Variants in DNAJB4 observed in about 807,000 individuals in gnomAD.
DNAJB4 encodes dnaJ homolog subfamily B member 4.
DNAJB4 carries 10 observed loss-of-function variants against 26.6 expected under a neutral mutation model. The ratio of observed to expected loss-of-function variants is 0.38; its 90% CI spans 0.23 to 0.64. The LOEUF is 0.64. Among genes scored for constraint, DNAJB4 ranks in the 30% least tolerant of loss-of-function variants. The pLI is 0.58. For missense variants in DNAJB4, 328 were observed against 408.2 expected (o/e 0.80, Z 1.69); for synonymous variants, 136 against 134.8 (o/e 1.01, Z -0.06).
At chr1:77,998,791 T>C (rs942393008) in intron 1 of DNAJB4, among the ~76,000 whole-genome samples, 2 of 152,052 alleles carry the variant, frequency 1.3e-5, no homozygotes, top group Admixed American at 6.6e-5. Context: ...TGAGCTGAGA[T>C]TGTGAGATCA....
chr1:77,984,621 C>T (rs1329983059), intron 1 of DNAJB4, among the ~76,000 whole-genome samples: 1 of 152,196 alleles, frequency 6.6e-6, no homozygotes, highest in African/African-American at 2.4e-5. Context: ...ATTTTGTCTT[C>T]TCCCTTTTCC....
intron 1 of DNAJB4, among the ~76,000 whole-genome samples, chr1:77,985,981 A>G (rs1353330929): frequency 2.0e-5 from 3 of 152,186 alleles, no homozygotes; most frequent in African/African-American, 7.2e-5. Flanking sequence ...AGTCTAACCA[A>G]TAATATCCTG....
At chr1:77,991,074 C>G (rs1293290894) in intron 1 of DNAJB4, among the ~76,000 whole-genome samples, 1 of 152,140 alleles carries the variant, frequency 6.6e-6, no homozygotes, top group African/African-American at 2.4e-5. Context: ...TTGGGCTTCA[C>G]AGAAGCCCAT....
chr1:77,999,995 A>G (rs1472710877), upstream of DNAJB4, among the ~76,000 whole-genome samples: 1 of 152,218 alleles, frequency 6.6e-6, no homozygotes, highest in African/African-American at 2.4e-5. Context: ...ATACTTTAAG[A>G]ATATAAATAT....
chr1:77,982,785 G>A (rs1415653214), intron 1 of DNAJB4, among the ~76,000 whole-genome samples: 10 of 152,088 alleles, frequency 6.6e-5, no homozygotes, highest in Non-Finnish European at 1.3e-4. Context: ...GTGACACAGC[G>A]AGATTCTGTC....
At position 78,004,966 on chromosome 1, in the gene DNAJB4, T is replaced by C; in HGVS notation, c.-145T>C. 1.3e-6 allele frequency: 1 copy of C among 783,058 alleles called. No individual in the cohort carries two copies. Among genetic ancestry groups the C allele is most frequent in the African/African-American group, 1.7e-5 (1 of 57,640 alleles). The allele number at this position is 783,058 out of a possible 1,614,324, so 48.5% of individuals were successfully genotyped here. A position where few individuals can be genotyped will look rare whatever the true frequency, so the allele number is the denominator to read the frequency against. On this transcript the variant is annotated 5_prime_UTR_variant, in exon 1 of 3. Transcript: ENST00000370763. ...GATTGAATACAGAGACGCTGTCTGC[T>C]TGCTGCCTTAAGACAGCTAGCTGAA...
chr1:77,981,607 C>G (rs977250965), intron 1 of DNAJB4, among the ~76,000 whole-genome samples: 8 of 152,202 alleles, frequency 5.3e-5, no homozygotes, highest in African/African-American at 1.7e-4. Flanking sequence ...CCACCGCGCC[C>G]AGCCACAATA....
intron 1 of DNAJB4, among the ~76,000 whole-genome samples, chr1:78,011,337 T>C (rs1380188194): frequency 6.6e-6 from 1 of 152,112 alleles, no homozygotes; most frequent in Non-Finnish European, 1.5e-5. Context: ...CTTACAAGCA[T>C]TGAAATTAAT....
intron 1 of DNAJB4, among the ~76,000 whole-genome samples, chr1:77,982,287 A>G (rs553040774): frequency 5.3e-5 from 8 of 152,348 alleles, no homozygotes; most frequent in African/African-American, 1.7e-4. Flanking sequence ...TAAAATTCAT[A>G]TATTTACTGT....
chr1:77,989,381 ATCCTT>A (rs1659880955), intron 1 of DNAJB4, among the ~76,000 whole-genome samples: 1 of 152,150 alleles, frequency 6.6e-6, no homozygotes, highest in South Asian at 2.1e-4. Flanking sequence ...AACCTCTTTT[ATCCTT>A]TCCTTATTAC....
At chr1:77,989,981 AACC>A (rs1015388848) in intron 1 of DNAJB4, among the ~76,000 whole-genome samples, 2 of 152,212 alleles carry the variant, frequency 1.3e-5, no homozygotes, top group Non-Finnish European at 2.9e-5. Flanking sequence ...CATTGGCTAG[AACC>A]ATGTCACATG....
rs536095781 is a variant in DNAJB4, at chr1:77,983,106, T to G, written c.-32+2784T>G. Among the ~76,000 whole-genome samples, 372 of 152,268 alleles carry G rather than the reference T, an allele frequency of 2.4e-3. 2 individuals carry two copies. Among genetic ancestry groups the G allele is most frequent in the African/African-American group, 8.7e-3 (360 of 41,554 alleles). ...ATGTGTCAGGGTCACAAGACAATTG[T>G]GGGGAGAGGGTCAGCAGACACGTGA... On this transcript the variant is annotated intron_variant, in intron 1 of 2. Coordinates refer to the DNAJB4 transcript ENST00000426517.
intron 1 of DNAJB4, among the ~76,000 whole-genome samples, chr1:78,012,454 G>A (rs1476175562): frequency 2.0e-5 from 3 of 151,248 alleles, no homozygotes; most frequent in Admixed American, 6.6e-5. Flanking sequence ...GAGCCTCTGC[G>A]CCCGGCCTTA....
intron 1 of DNAJB4, among the ~76,000 whole-genome samples, chr1:78,006,570 G>A (rs1411724834): frequency 6.6e-6 from 1 of 152,130 alleles, no homozygotes; most frequent in Non-Finnish European, 1.5e-5. Flanking sequence ...TGTATATAGA[G>A]GGTTTTTTCC....
At position 78,007,835 on chromosome 1, in the gene DNAJB4, G is replaced by T. The variant is rs1196919908; in HGVS notation, c.211+2514G>T. Among the ~76,000 whole-genome samples, 3 of 152,102 alleles carry T rather than the reference G, an allele frequency of 2.0e-5. No individual in the cohort carries two copies. In the East Asian group the frequency reaches 5.8e-4, roughly 29 times the overall value. On this transcript the variant is annotated intron_variant, in intron 1 of 2. Transcript: ENST00000370763. ...GTAGTAACAAAACACTGAACTTTAG[G>T]ACTATGGAAACACTATTAATTTACC...
Position 78,013,053 on chromosome 1 carries a change from T to A in DNAJB4, c.214T>A (p.Leu72Met). 1.3e-6 allele frequency: 2 copies of A among 1,592,490 alleles called. No individual in the cohort carries two copies. The highest frequency in any genetic ancestry group is 1.7e-6 in the Non-Finnish European group (2 of 1,170,716). ...ATCATGCTTATCTCTTCAATTAGGG[T>A]TGAAAGGAGGAGCAGGAGGTACTGA... ...EIYDQFGEEG[L>M]KGGAGGTDGQ... The change falls in exon 2 of 3, where the codon TTG becomes ATG. Residue 72 changes from leucine to methionine, a missense_variant and splice_region_variant. By Grantham distance (15) the Leu-to-Met change is conservative. Transcript: ENST00000370763.
intron 1 of DNAJB4, chr1:77,981,190 C>T (rs963031051): frequency 2.1e-5 from 3 of 143,670 alleles, no homozygotes; most frequent in East Asian, 2.0e-4. Context: ...TTTACATACT[C>T]GCTCTGTTGC....
intron 1 of DNAJB4, among the ~76,000 whole-genome samples, chr1:77,992,454 A>G (rs956617426): frequency 6.6e-6 from 1 of 151,270 alleles, no homozygotes; most frequent in Non-Finnish European, 1.5e-5. Flanking sequence ...AACAAATGAG[A>G]ATCAACTACT....
rs1482505056 is a variant in DNAJB4 at position 78,017,600 on chromosome 1, C to T, written c.*1353C>T. On this transcript the variant is annotated 3_prime_UTR_variant, in exon 3 of 3. Coordinates refer to ENST00000370763, the MANE Select transcript of DNAJB4 (RefSeq NM_007034.5). ...AAAGTGGTACAATCATCATCACTTT[C>T]TAATTCCAGAATATTTTCATCACCC... The T allele has an allele frequency of 1.3e-5, 2 of 152,010 alleles. No individual in the cohort carries two copies. Among genetic ancestry groups the T allele is most frequent in the Admixed American group, 1.3e-4 (2 of 15,246 alleles). 9.4% of individuals were successfully genotyped at this position (152,010 alleles called of 1,614,324 possible).
Sources: gnomAD v4.1 joint callset for allele counts (sites outside exome capture counted in the v4.1 genomes callset) on GRCh38, gnomAD v4.1.1 for gene constraint, MANE v1.5 for transcripts, NCBI Gene and HGNC (gene_info 2026-07-23, HGNC 2026-07-21) for gene names.